The following MDGA2 variants were observed in gnomAD, a reference collection of about 807,000 sequenced individuals.
The protein encoded by MDGA2 is MAM domain-containing glycosylphosphatidylinositol anchor protein 2.
Under a neutral mutation model 117.8 loss-of-function variants are expected in MDGA2, and 40 were observed. That is an observed-to-expected ratio of 0.34 (90% confidence interval 0.26 to 0.44). The LOEUF (loss-of-function observed/expected upper bound fraction) is 0.44, where lower values mean the gene tolerates loss of function less well. Ranked by LOEUF, MDGA2 falls within the 20% of genes least tolerant of loss-of-function variation. The pLI is 1.00. For synonymous variants in MDGA2, 452 were observed against 439.0 expected (o/e 1.03, Z -0.37); for missense variants, 1,123 against 1,250.6 (o/e 0.90, Z 1.54).
intron 8 of MDGA2, chr14:46,996,921 T>A: frequency 2.6e-6 from 1 of 379,686 alleles, no homozygotes; most frequent in Non-Finnish European, 5.0e-6. Context: ...GGAGAGCACC[T>A]AGCAGCAACC....
In MDGA2 at chr14:46,855,130, A is replaced by G. The variant is rs1881219186; in HGVS notation, c.2777T>C (p.Leu926Ser). The change falls in exon 15 of 17, where the codon TTG (leucine) becomes TCG (serine). Residue 926 changes from leucine to serine, a missense_variant. Coordinates refer to ENST00000399232, the MANE Select transcript of MDGA2 (RefSeq NM_001113498.3). The surrounding 1 kb of genome is among the most constrained non-coding windows in gnomAD (Gnocchi z 4.1). ...HIGVLNVYLR[L>S]KGQTTIENPL... ...ATTCTCTATTGTTGTTTGCCCTTTC[A>G]AACGTAGATAAACATTTAAGACACC... 5.6e-6 allele frequency: 9 copies of G among 1,607,750 alleles called. No individual in the cohort carries two copies. Among genetic ancestry groups the G allele is most frequent in the Non-Finnish European group, 7.6e-6 (9 of 1,177,510 alleles).
chr14:46,980,394 A>C (rs1886624935), intron 8 of MDGA2, among the ~76,000 whole-genome samples: 1 of 152,204 alleles, frequency 6.6e-6, no homozygotes, highest in Non-Finnish European at 1.5e-5. Flanking sequence ...GGAGAAGCAA[A>C]GATAGTGGTT....
chr14:46,973,296 TA>T (rs1192512820), intron 8 of MDGA2, among the ~76,000 whole-genome samples: 2 of 152,162 alleles, frequency 1.3e-5, no homozygotes, highest in African/African-American at 4.8e-5. Flanking sequence ...AACTTATGTT[TA>T]CAAAAAACAA....
chr14:47,073,910 C>G (rs1413403461), intron 6 of MDGA2, among the ~76,000 whole-genome samples: 1 of 152,130 alleles, frequency 6.6e-6, no homozygotes, highest in Non-Finnish European at 1.5e-5. Flanking sequence ...TCCCACCTGT[C>G]TCTGAGGATG....
At chr14:46,972,709 G>T (rs1359629307) in intron 8 of MDGA2, among the ~76,000 whole-genome samples, 1 of 152,068 alleles carries the variant, frequency 6.6e-6, no homozygotes, top group Non-Finnish European at 1.5e-5. Flanking sequence ...ATGACCTTGG[G>T]CTTGGTGATA....
intron 12 of MDGA2, 125 bp downstream of exon 12, chr14:46,877,364 G>C (rs1882274692): frequency 7.9e-6 from 4 of 509,480 alleles, no homozygotes; most frequent in Non-Finnish European, 1.4e-5. Flanking sequence ...CAATTTTACT[G>C]ATTCTGAACA....
intron 8 of MDGA2, among the ~76,000 whole-genome samples, chr14:47,026,493 A>T (rs972516865): frequency 1.3e-5 from 2 of 152,102 alleles, no homozygotes; most frequent in African/African-American, 4.8e-5. Flanking sequence ...TATTTCCCTT[A>T]GCACTAAGCA....
intron 9 of MDGA2, among the ~76,000 whole-genome samples, chr14:46,954,486 C>T (rs559120103): frequency 1.3e-5 from 2 of 152,066 alleles, no homozygotes; most frequent in South Asian, 4.1e-4. Flanking sequence ...CTTGGCAGGA[C>T]CCTACTTCCT....
chr14:47,135,135 A>G (rs115288090), intron 4 of MDGA2, among the ~76,000 whole-genome samples: 148 of 152,136 alleles, frequency 9.7e-4, no homozygotes, highest in African/African-American at 3.4e-3. Flanking sequence ...TTTCTTTTGT[A>G]TGCTTCCATA....
intron 10 of MDGA2, among the ~76,000 whole-genome samples, chr14:46,890,719 G>T (rs1478568541): frequency 6.6e-6 from 1 of 152,052 alleles, no homozygotes; most frequent in Admixed American, 6.6e-5. Flanking sequence ...TAAATGAAAG[G>T]CCTTGCAAGT....
intron 5 of MDGA2, among the ~76,000 whole-genome samples, chr14:47,105,345 T>G (rs1880594123): frequency 6.6e-6 from 1 of 151,022 alleles, no homozygotes; most frequent in Non-Finnish European, 1.5e-5. Context: ...CCCCAACCCC[T>G]TCTCTGCTTT....
chr14:46,940,383 C>T (rs554849871), intron 9 of MDGA2, among the ~76,000 whole-genome samples: 6 of 151,900 alleles, frequency 3.9e-5, no homozygotes, highest in Admixed American at 1.3e-4. Flanking sequence ...AATCCCAGCA[C>T]GTTGGGAGTC....
chr14:47,034,952 A>G lies in MDGA2; in HGVS notation c.1819+59T>C, dbSNP rs531417658. On this transcript the variant is annotated intron_variant, in intron 8 of 16. Transcript: ENST00000399232. ...AATCACCTCATATTAATAGTAGAAT[A>G]ATGGTAACACTTCTTCCCTTGTCCC... is the stretch of plus-strand genomic sequence containing the variant. 7.3e-4 allele frequency: 1,067 copies of G among 1,455,000 alleles called. 7 individuals carry two copies. The Middle Eastern group carries it at 0.019, about 26-fold the overall frequency. The allele number at this position is 1,455,000 out of a possible 1,614,324, so 90.1% of individuals were successfully genotyped here. A position where few individuals can be genotyped will look rare whatever the true frequency, so the allele number is the denominator to read the frequency against.
rs545953610 is a variant in MDGA2 at position 47,461,450 on chromosome 14, C to T, written c.281-159900G>A. Among the ~76,000 whole-genome samples the T allele has an allele frequency of 4.6e-5, 7 of 152,168 alleles. No individual in the cohort carries two copies. The South Asian group carries it at 1.5e-3, about 32-fold the overall frequency. On this transcript the variant is annotated intron_variant, in intron 1 of 16. Coordinates refer to ENST00000399232, the MANE Select transcript of MDGA2 (RefSeq NM_001113498.3). ...AGAGGGGATTCAAACCTAGAAATAA[C>T]AACGAAGAACATGTCTTAGTTTTAC...
At chr14:47,036,370 G>A (rs1435855241) in intron 7 of MDGA2, among the ~76,000 whole-genome samples, 2 of 150,686 alleles carry the variant, frequency 1.3e-5, no homozygotes, top group African/African-American at 4.9e-5. Context: ...TGATTTTACT[G>A]TAACTTACTT....
chr14:47,042,324 TTTTTG>T (rs996650881), intron 7 of MDGA2, among the ~76,000 whole-genome samples: 3 of 123,376 alleles, frequency 2.4e-5, no homozygotes, highest in Non-Finnish European at 3.6e-5. Context: ...TTTTTTTTTT[TTTTTG>T]TGTGTGTGTG....
At chr14:47,020,049 C>T (rs1385414154) in intron 8 of MDGA2, among the ~76,000 whole-genome samples, 1 of 152,070 alleles carries the variant, frequency 6.6e-6, no homozygotes, top group Non-Finnish European at 1.5e-5. Flanking sequence ...ATATTGTGCA[C>T]AACTTTACAG....
intron 16 of MDGA2, among the ~76,000 whole-genome samples, chr14:46,844,304 G>A (rs1880731367): frequency 6.6e-6 from 1 of 152,130 alleles, no homozygotes. Context: ...AAAAGGCCAG[G>A]CACAGTGGCT....
intron 1 of MDGA2, among the ~76,000 whole-genome samples, chr14:47,338,419 G>A (rs1363875271): frequency 1.3e-5 from 2 of 149,756 alleles, no homozygotes; most frequent in Non-Finnish European, 3.0e-5. Flanking sequence ...GGGCTATAAT[G>A]TCCTCATATA....
Sources: gnomAD v4.1 joint callset for allele counts (sites outside exome capture counted in the v4.1 genomes callset) on GRCh38, gnomAD v4.1.1 for gene constraint, Gnocchi (gnomAD v3.1) non-coding constraint, MANE v1.5 for transcripts, NCBI Gene and HGNC (gene_info 2026-07-23, HGNC 2026-07-21) for gene names.